The following WWOX variants were observed in gnomAD, a reference collection of about 807,000 sequenced individuals.
The protein encoded by WWOX is WW domain-containing oxidoreductase.
Under a neutral mutation model 46.2 loss-of-function variants are expected in WWOX, and 69 were observed. The ratio of observed to expected loss-of-function variants is 1.49; its 90% CI spans 1.23 to 1.82. The LOEUF (loss-of-function observed/expected upper bound fraction) is 1.82. WWOX is among the 40% of genes most tolerant of loss of function. WWOX has a pLI of 0.00. For synonymous variants in WWOX, 359 were observed against 202.6 expected (o/e 1.77, Z -6.56); for missense variants, 919 against 542.6 (o/e 1.69, Z -6.89).
At chr16:78,607,893 C>T (rs557466480) in intron 8 of WWOX, among the ~76,000 whole-genome samples, 3 of 152,044 alleles carry the variant, frequency 2.0e-5, no homozygotes, top group Non-Finnish European at 4.4e-5. Context: ...TGTCGGGGAC[C>T]TGCACACATG....
chr16:78,925,267 G>T (rs1597158466), intron 8 of WWOX, among the ~76,000 whole-genome samples: 1 of 152,184 alleles, frequency 6.6e-6, no homozygotes, highest in East Asian at 1.9e-4. Context: ...GCTGATCATT[G>T]CTGCCACTGG....
At chr16:78,468,220 C>G (rs554967912) in intron 8 of WWOX, among the ~76,000 whole-genome samples, 98 of 151,814 alleles carry the variant, frequency 6.5e-4, no homozygotes, top group African/African-American at 2.0e-3. Context: ...TTCTGGAGAC[C>G]TGATATGCTT....
chr16:78,726,085 CTT>C (rs1389379736), intron 8 of WWOX, among the ~76,000 whole-genome samples: 1 of 121,252 alleles, frequency 8.2e-6, no homozygotes. Flanking sequence ...CTCCCTCCCT[CTT>C]CCTCCCTCCC....
rs115673612 is a variant in WWOX, at chr16:78,942,578, C to G, written c.1057-269030C>G. 7.2e-3 allele frequency among the ~76,000 whole-genome samples: 1,080 copies of G among 150,082 alleles called. 18 individuals carry two copies. The highest frequency in any genetic ancestry group is 0.026 in the African/African-American group (1,049 of 39,680). On this transcript the variant is annotated intron_variant, in intron 8 of 8. Transcript: ENST00000566780. The stretch of plus-strand genomic sequence containing the variant: ...ACCCACCAGAATACATTATTTCAGA[C>G]AATCAAGGAGAGCGTTACATTTTAA...
intron 8 of WWOX, among the ~76,000 whole-genome samples, chr16:79,171,465 G>A (rs1386845937): frequency 1.3e-5 from 2 of 152,068 alleles, no homozygotes; most frequent in African/African-American, 4.8e-5. Flanking sequence ...TTTTTTGTCG[G>A]TGTCATCTTT....
chr16:78,653,962 C>A (rs558814186), intron 8 of WWOX, among the ~76,000 whole-genome samples: 15 of 152,208 alleles, frequency 9.9e-5, no homozygotes, highest in East Asian at 1.9e-4. Context: ...GATATTCTTA[C>A]AAAAGGCAAA....
At chr16:78,706,505 T>C (rs906295288) in intron 8 of WWOX, among the ~76,000 whole-genome samples, 4 of 152,310 alleles carry the variant, frequency 2.6e-5, no homozygotes, top group East Asian at 3.9e-4. Context: ...TTGAAGCTTT[T>C]CATTTCCCTT....
chr16:79,190,195 T>C (rs1423384026), intron 8 of WWOX, among the ~76,000 whole-genome samples: 1 of 152,040 alleles, frequency 6.6e-6, no homozygotes, highest in African/African-American at 2.4e-5. Flanking sequence ...TGGCTAACTT[T>C]TGTATTTTTA....
chr16:78,932,637 C>T (rs573413009), intron 8 of WWOX, among the ~76,000 whole-genome samples: 2 of 152,204 alleles, frequency 1.3e-5, no homozygotes, highest in Non-Finnish European at 2.9e-5. Context: ...GAAAGAGAAG[C>T]CTGCAGCTGC....
At position 78,827,032 on chromosome 16, in the gene WWOX, A is replaced by G. The variant is rs1477632937; in HGVS notation, c.1057-384576A>G. 2.6e-5 allele frequency among the ~76,000 whole-genome samples: 4 copies of G among 151,996 alleles called. No homozygotes were observed. In the South Asian group the frequency reaches 6.2e-4, roughly 24 times the overall value. On this transcript the variant is annotated intron_variant, in intron 8 of 8. Coordinates refer to ENST00000566780, the MANE Select transcript of WWOX (RefSeq NM_016373.4). ...CCCCGTGTCGCTTTCCTGCCCCCAC[A>G]TGTTATAGATGGTGCAAGGGAACCA... is the stretch of plus-strand genomic sequence containing the variant.
chr16:78,952,199 C>A (rs925119880), intron 8 of WWOX, among the ~76,000 whole-genome samples: 1 of 152,018 alleles, frequency 6.6e-6, no homozygotes, highest in Admixed American at 6.6e-5. Flanking sequence ...GGCTTTTGCA[C>A]ATGCTGGTTT....
At position 78,652,533 on chromosome 16, in the gene WWOX, C is replaced by A. The variant is rs146205557; in HGVS notation, c.1056+219781C>A. 4.3e-3 allele frequency among the ~76,000 whole-genome samples: 648 copies of A among 152,118 alleles called. 2 individuals carry two copies. Among genetic ancestry groups the A allele is most frequent in the Middle Eastern group, 0.014 (4 of 294 alleles). ...AAAAGTTGTAATAAATTATGCAGAC[C>A]CCTCAGCAGTTGACTCACCTCTCTG... is the stretch of plus-strand genomic sequence containing the variant. On this transcript the variant is annotated intron_variant, in intron 8 of 8. Transcript: ENST00000566780.
chr16:79,011,700 C>G (rs560097245), intron 8 of WWOX, among the ~76,000 whole-genome samples: 4 of 151,858 alleles, frequency 2.6e-5, no homozygotes, highest in Non-Finnish European at 5.9e-5. Flanking sequence ...GCCGTGTTGC[C>G]GAGGCTGGTC....
intron 1 of WWOX, among the ~76,000 whole-genome samples, chr16:78,100,811 G>T (rs966937087): frequency 1.3e-5 from 2 of 152,170 alleles, no homozygotes; most frequent in Non-Finnish European, 2.9e-5. Context: ...ATACGACAGT[G>T]CCTCTTATAT....
intron 5 of WWOX, chr16:78,270,157 C>T (rs1457400577): frequency 6.6e-6 from 1 of 151,872 alleles, no homozygotes; most frequent in African/African-American, 2.4e-5. Flanking sequence ...GAAAAAGACC[C>T]CTGTGATTAA....
intron 5 of WWOX, among the ~76,000 whole-genome samples, chr16:78,329,512 C>T (rs904238853): frequency 6.6e-6 from 1 of 152,138 alleles, no homozygotes; most frequent in Non-Finnish European, 1.5e-5. Context: ...CTTTGTAGTT[C>T]TTGGGTAGGT....
intron 5 of WWOX, among the ~76,000 whole-genome samples, chr16:78,358,918 A>G (rs948363220): frequency 3.7e-5 from 5 of 134,406 alleles, no homozygotes; most frequent in South Asian, 4.6e-4. Context: ...TTCTATGTCA[A>G]TACATACTGT....
chr16:78,434,396 G>T (rs1597080222), intron 8 of WWOX, among the ~76,000 whole-genome samples: 1 of 152,290 alleles, frequency 6.6e-6, no homozygotes, highest in East Asian at 1.9e-4. Context: ...GCCTCTTCAT[G>T]AAAGTTTCTT....
chr16:78,938,528 C>T (rs1341945130), intron 8 of WWOX, among the ~76,000 whole-genome samples: 6 of 151,746 alleles, frequency 4.0e-5, no homozygotes, highest in South Asian at 2.1e-4. Flanking sequence ...TGACCTGTCC[C>T]GTCGGTATTA....
Sources: allele counts gnomAD v4.1 joint callset (sites outside exome capture counted in the v4.1 genomes callset), GRCh38; gene constraint gnomAD v4.1.1; transcripts MANE v1.5; gene names NCBI Gene and HGNC (gene_info 2026-07-23, HGNC 2026-07-21).